Variants in WDR4 observed in about 807,000 individuals in gnomAD.
The protein encoded by WDR4 is WDR4 tRNA N7-guanosine methyltransferase non-catalytic subunit.
Under a neutral mutation model 48.6 loss-of-function variants are expected in WDR4, and 47 were observed. The ratio of observed to expected loss-of-function variants is 0.97; its 90% confidence interval spans 0.77 to 1.23. The LOEUF (loss-of-function observed/expected upper bound fraction) is 1.23. WDR4 is among the 50% of genes most tolerant of loss of function. WDR4 has a pLI of 0.00. For missense variants in WDR4, 606 were observed against 551.6 expected, an observed-to-expected ratio of 1.10 and a Z score of -0.99; for synonymous variants, 268 against 230.0, an observed-to-expected ratio of 1.17 and a Z score of -1.49.
chr21:42,857,312 T>C (rs1370379675), intron 6 of WDR4, among the ~76,000 whole-genome samples: 3 of 151,960 alleles, frequency 2.0e-5, no homozygotes, highest in Admixed American at 6.6e-5. Flanking sequence ...GCCGGGACAC[T>C]GACCACCCAG....
At chr21:42,886,485 T>C in the WDR4 span, among the ~76,000 whole-genome samples, 2 of 152,232 alleles carry the variant, frequency 1.3e-5, no homozygotes, top group Non-Finnish European at 2.9e-5. Context: ...CTTTTGTAAA[T>C]TGTTCACACG....
At chr21:42,843,152 G>C (rs1358307408) in exon 12 of WDR4, 1 of 152,256 alleles carries the variant, frequency 6.6e-6, no homozygotes, top group Non-Finnish European at 1.5e-5. Context: ...CCCATAAGCA[G>C]AGGACAAATC....
In WDR4 at chr21:42,873,364, A is replaced by G. The variant is rs567005247; in HGVS notation, c.296+187T>C. ...CAGAACAGCACCCCTGCACCCTCCC[A>G]GAACTGCCGTGAGGATCAGATCAGC... On this transcript the variant is annotated intron_variant, in intron 3 of 10. Transcript: ENST00000398208. Among the ~76,000 whole-genome samples the G allele has an allele frequency of 3.2e-3, 481 of 152,312 alleles. 1 individual carries two copies. Among genetic ancestry groups the G allele is most frequent in the Non-Finnish European group, 5.0e-3 (343 of 68,024 alleles).
intron 1 of WDR4, among the ~76,000 whole-genome samples, chr21:42,878,749 G>T (rs890915758): frequency 6.6e-6 from 1 of 152,170 alleles, no homozygotes; most frequent in Non-Finnish European, 1.5e-5. Context: ...CACTAAGGAA[G>T]GAGAATAAAA....
At chr21:42,877,301 G>A (rs949194538) in intron 1 of WDR4, among the ~76,000 whole-genome samples, 5 of 151,138 alleles carry the variant, frequency 3.3e-5, no homozygotes, top group African/African-American at 4.9e-5. Context: ...CTGCCACCAC[G>A]CCTGGCTAAT....
At chr21:42,890,406 C>A in the WDR4 span, among the ~76,000 whole-genome samples, 1 of 152,092 alleles carries the variant, frequency 6.6e-6, no homozygotes, top group African/African-American at 2.4e-5. Flanking sequence ...CATGGTGGCA[C>A]ACGCCTGTAA....
the WDR4 span, among the ~76,000 whole-genome samples, chr21:42,885,081 T>C: frequency 1.1e-4 from 17 of 152,148 alleles, no homozygotes; most frequent in African/African-American, 3.9e-4. Flanking sequence ...TGGACACATA[T>C]TATGTTTCTA....
intron 3 of WDR4, among the ~76,000 whole-genome samples, chr21:42,873,246 T>C (rs73905779): frequency 0.054 from 8,237 of 152,182 alleles, 257 homozygotes; most frequent in South Asian, 0.09. Context: ...GCACCAACAC[T>C]GTAGGTGGAG....
the WDR4 span, among the ~76,000 whole-genome samples, chr21:42,885,018 C>T: frequency 7.2e-5 from 11 of 152,094 alleles, no homozygotes; most frequent in Non-Finnish European, 1.2e-4. Flanking sequence ...TCAAGTGATC[C>T]GCCCGCCTTG....
the WDR4 span, among the ~76,000 whole-genome samples, chr21:42,885,563 C>G: frequency 6.6e-6 from 1 of 151,596 alleles, no homozygotes; most frequent in Non-Finnish European, 1.5e-5. Context: ...GAGCTGAGAT[C>G]GCACCATTGC....
At chr21:42,870,049 A>G (rs1419586978) in intron 3 of WDR4, among the ~76,000 whole-genome samples, 1 of 149,814 alleles carries the variant, frequency 6.7e-6, no homozygotes, top group East Asian at 2.0e-4. Flanking sequence ...CAGTAGAGGG[A>G]TAGTCAAGAA....
rs563590784 is a variant in WDR4, at chr21:42,857,108, G to A, written c.628-1328C>T. Among the ~76,000 whole-genome samples the A allele has an allele frequency of 2.6e-5, 4 of 152,218 alleles. No homozygotes were observed. The South Asian group carries it at 8.3e-4, about 32-fold the overall frequency. On this transcript the variant is annotated intron_variant, in intron 6 of 10. Transcript: ENST00000398208. ...AAGGTGGTGAGGGGAGCTGTCAAAT[G>A]TCTTTACAAAGAGAAACGGGACCTC... is the stretch of plus-strand genomic sequence containing the variant.
At position 42,853,602 on chromosome 21, in the gene WDR4, CA is replaced by C. The variant is rs1342124951; in HGVS notation, c.941del (p.Leu314ArgfsTer20). 1.9e-6 allele frequency: 3 copies of C among 1,610,650 alleles called. No individual in the cohort carries two copies. The highest frequency in any genetic ancestry group is 1.6e-4 in the Middle Eastern group (1 of 6,072). ...WVLQDCQEAP[L>X]VLYRPVGDQW... ...GGTCGCCCACAGGCCTGTAGAGCAC[CA>C]GGGGGGCTTCCTGGCAGTCCTGGAG... On this transcript the variant is annotated frameshift_variant, in exon 9 of 11. Transcript: ENST00000398208. LOFTEE classifies it high-confidence loss of function.
chr21:42,887,653 G>A, the WDR4 span, among the ~76,000 whole-genome samples: 2 of 152,106 alleles, frequency 1.3e-5, no homozygotes, highest in East Asian at 3.8e-4. Flanking sequence ...TTACATTTAC[G>A]TTTCTCTCAA....
downstream of WDR4, among the ~76,000 whole-genome samples, chr21:42,846,702 G>C (rs2057713846): frequency 3.3e-5 from 5 of 152,162 alleles, no homozygotes; most frequent in Admixed American, 3.3e-4. Context: ...GACAGAGTGA[G>C]ACCGTCTGGA....
At chr21:42,846,170 C>T (rs559542347), downstream of WDR4, among the ~76,000 whole-genome samples, 23 of 151,908 alleles carry the variant, frequency 1.5e-4, no homozygotes, top group African/African-American at 5.1e-4. Context: ...ATGTTCATCA[C>T]TGCACTATTC....
In WDR4 at chr21:42,850,021, A is replaced by G; in HGVS notation, c.*28T>C. On this transcript the variant is annotated 3_prime_UTR_variant, in exon 11 of 11. Transcript: ENST00000398208. ...AAGTTAAAAAGCTTTTCCTAATTTGAGGTGAGAGACACCACTGACCGCCAC... is the reference window on the plus strand; with the variant it reads ...AAGTTAAAAAGCTTTTCCTAATTTGGGGTGAGAGACACCACTGACCGCCAC... 1.9e-6 allele frequency: 3 copies of G among 1,603,966 alleles called. No homozygotes were observed. Among genetic ancestry groups the G allele is most frequent in the Non-Finnish European group, 2.5e-6 (3 of 1,177,530 alleles).
chr21:42,864,020 T>C lies in WDR4; in HGVS notation c.297-424A>G, dbSNP rs1333949507. ...TACTCGGGAGGCTGAGGCGGGAGAATGGCGTGAACCCGGGAGGCGGAGCTT... is the reference window on the plus strand; with the variant it reads ...TACTCGGGAGGCTGAGGCGGGAGAACGGCGTGAACCCGGGAGGCGGAGCTT... On this transcript the variant is annotated intron_variant, in intron 3 of 10. Coordinates refer to ENST00000398208, the MANE Select transcript of WDR4 (RefSeq NM_018669.6). 2.7e-5 allele frequency among the ~76,000 whole-genome samples: 2 copies of C among 73,912 alleles called. 1 individual carries two copies. Among genetic ancestry groups the C allele is most frequent in the African/African-American group, 2.1e-4 (2 of 9,344 alleles). 48.5% of individuals were successfully genotyped at this position (73,912 alleles called of 152,430 possible).
Position 42,863,581 on chromosome 21 carries a change from C to A in WDR4, c.312G>T (p.Arg104Ser), listed in dbSNP as rs781160891. Residue 104 changes from arginine (R) to serine (S), a missense_variant, in exon 4 of 11, where the codon AGG becomes AGT. Transcript: ENST00000398208. ...AGGCTATGAAAGTCAGGGCTGTACA[C>A]CTCCTTGCCACGGTCCTAGAAGGCC... ...QCLSVRTVAR[R>S]CTALTFIASE... 3 of 1,613,728 alleles carry A rather than the reference C, an allele frequency of 1.9e-6. No individual in the cohort carries two copies. The highest frequency in any genetic ancestry group is 2.2e-5 in the South Asian group (2 of 91,032).
Sources: gnomAD v4.1 joint callset for allele counts (sites outside exome capture counted in the v4.1 genomes callset) on GRCh38, gnomAD v4.1.1 for gene constraint, MANE v1.5 for transcripts, NCBI Gene and HGNC (gene_info 2026-07-23, HGNC 2026-07-21) for gene names.